The following CALN1 variants were observed in gnomAD, a reference collection of about 807,000 sequenced individuals.
The protein encoded by CALN1 is calneuron 1.
In CALN1, 17 loss-of-function variants were observed where a neutral mutation model predicts 30.6. That is an observed-to-expected ratio of 0.56 (90% CI 0.38 to 0.83). The LOEUF is 0.83. Ranked by LOEUF, CALN1 falls within the 40% of genes least tolerant of loss-of-function variation. The pLI is 0.00. For synonymous variants in CALN1, 156 were observed against 131.4 expected (o/e 1.19, Z -1.28); for missense variants, 291 against 354.9 (o/e 0.82, Z 1.45).
chr7:72,228,915 C>T (rs1460424252), intron 3 of CALN1, among the ~76,000 whole-genome samples: 2 of 150,992 alleles, frequency 1.3e-5, no homozygotes, highest in Non-Finnish European at 3.0e-5. Context: ...GCACATGCCA[C>T]CATGCCTGGC....
chr7:72,357,838 T>TTA (rs906696503), intron 2 of CALN1, among the ~76,000 whole-genome samples: 4 of 146,602 alleles, frequency 2.7e-5, no homozygotes, highest in African/African-American at 1.0e-4. Context: ...TTTTATATAT[T>TTA]TATATATATT....
chr7:72,344,661 A>T (rs1802537809), intron 2 of CALN1, among the ~76,000 whole-genome samples: 1 of 146,694 alleles, frequency 6.8e-6, no homozygotes. Flanking sequence ...TATTTATATA[A>T]ATATATATTT....
At chr7:71,858,015 A>G (rs1246670225) in intron 5 of CALN1, among the ~76,000 whole-genome samples, 1 of 152,124 alleles carries the variant, frequency 6.6e-6, no homozygotes, top group Non-Finnish European at 1.5e-5. Flanking sequence ...AAGGCAAATA[A>G]ATCTCAGGAC....
intron 2 of CALN1, among the ~76,000 whole-genome samples, chr7:72,303,545 G>A (rs543632336): frequency 6.4e-5 from 9 of 140,280 alleles, no homozygotes; most frequent in African/African-American, 1.3e-4. Flanking sequence ...CAACAAGAGC[G>A]AAACTCCATC....
At chr7:72,188,684 C>A (rs954633869) in intron 3 of CALN1, among the ~76,000 whole-genome samples, 1 of 152,042 alleles carries the variant, frequency 6.6e-6, no homozygotes, top group Admixed American at 6.6e-5. Flanking sequence ...ACCATCCATT[C>A]CCCAAAAATG....
the CALN1 span, among the ~76,000 whole-genome samples, chr7:72,504,256 T>C: frequency 6.6e-6 from 1 of 152,116 alleles, no homozygotes; most frequent in Non-Finnish European, 1.5e-5. Context: ...CCCCGGTGAG[T>C]CTATTTCCAT....
intron 2 of CALN1, among the ~76,000 whole-genome samples, chr7:72,291,827 G>C (rs1213859812): frequency 6.6e-6 from 1 of 152,092 alleles, no homozygotes; most frequent in Non-Finnish European, 1.5e-5. Context: ...GGCCAGGCTG[G>C]TCTCGAACTC....
chr7:72,264,197 T>G (rs1796463926), intron 3 of CALN1, among the ~76,000 whole-genome samples: 1 of 152,126 alleles, frequency 6.6e-6, no homozygotes, highest in Non-Finnish European at 1.5e-5. Context: ...GTCCCTCTGC[T>G]CTAACCTTTA....
At chr7:72,338,732 G>A (rs755267087) in intron 2 of CALN1, among the ~76,000 whole-genome samples, 98 of 152,042 alleles carry the variant, frequency 6.4e-4, no homozygotes, top group Non-Finnish European at 1.1e-3. Context: ...TTTGTTACAG[G>A]CATGCAATGT....
At chr7:72,215,489 G>T (rs943355691) in intron 3 of CALN1, among the ~76,000 whole-genome samples, 1 of 151,162 alleles carries the variant, frequency 6.6e-6, no homozygotes, top group Non-Finnish European at 1.5e-5. Context: ...AGCTACTCTG[G>T]AGGCTAAGGC....
intron 4 of CALN1, among the ~76,000 whole-genome samples, chr7:72,064,674 T>G (rs1189612230): frequency 6.6e-6 from 1 of 152,232 alleles, no homozygotes; most frequent in East Asian, 1.9e-4. Context: ...TCATGATCCA[T>G]GATGCAAGAC....
chr7:72,099,556 G>T (rs1351314681), intron 4 of CALN1, among the ~76,000 whole-genome samples: 2 of 151,524 alleles, frequency 1.3e-5, no homozygotes, highest in Non-Finnish European at 2.9e-5. Flanking sequence ...TACCTGAGAA[G>T]TTTACTCATT....
chr7:72,213,863 T>C (rs542321711), intron 3 of CALN1, among the ~76,000 whole-genome samples: 3 of 152,174 alleles, frequency 2.0e-5, no homozygotes, highest in Non-Finnish European at 2.9e-5. Context: ...GAGAGCTCCG[T>C]AGCTTCTTGC....
At position 72,345,062 on chromosome 7, in the gene CALN1, T is replaced by C. The variant is rs544944960; in HGVS notation, c.119+58189A>G. ...ATATATTATATCGTATGTACTGTTA[T>C]ATTCATGCATGTTATGTATAATTAT... On this transcript the variant is annotated intron_variant, in intron 2 of 6. Coordinates refer to ENST00000395275, the MANE Select transcript of CALN1 (RefSeq NM_031468.4). 1.7e-3 allele frequency among the ~76,000 whole-genome samples: 249 copies of C among 148,358 alleles called. 1 individual carries two copies. Among genetic ancestry groups the C allele is most frequent in the African/African-American group, 5.7e-3 (235 of 40,950 alleles).
rs868672178 is a variant in CALN1, at chr7:71,847,742, A to G, written c.502-37250T>C. The stretch of plus-strand genomic sequence containing the variant: ...AAGAAGAAGAAAGAAGAAAGAAGAA[A>G]GAAGAAGAAAGAAGAAAGAAGAAGA... On this transcript the variant is annotated intron_variant, in intron 5 of 6. Coordinates refer to ENST00000395275, the MANE Select transcript of CALN1 (RefSeq NM_031468.4). Among the ~76,000 whole-genome samples the G allele has an allele frequency of 1.5e-3, 156 of 103,908 alleles. 1 individual carries two copies. The highest frequency in any genetic ancestry group is 5.5e-3 in the African/African-American group (153 of 27,884). The allele number at this position is 103,908 out of a possible 152,430, so 68.2% of individuals were successfully genotyped here.
the CALN1 span, among the ~76,000 whole-genome samples, chr7:72,495,695 G>A: frequency 6.6e-6 from 1 of 152,092 alleles, no homozygotes. Flanking sequence ...ACAAACGGTG[G>A]GCTATAAAGT....
chr7:71,943,175 T>A (rs758885091), intron 5 of CALN1, among the ~76,000 whole-genome samples: 3 of 152,210 alleles, frequency 2.0e-5, no homozygotes, highest in Non-Finnish European at 4.4e-5. Context: ...AAATAAACTT[T>A]CTAAATTAAC....
At chr7:72,403,138 T>C in intron 2 of CALN1, 113 bp downstream of exon 2, 1 of 710,314 alleles carries the variant, frequency 1.4e-6, no homozygotes, top group Non-Finnish European at 2.3e-6. Flanking sequence ...TCATAGATTC[T>C]CCTCTCCAGC....
intron 6 of CALN1, among the ~76,000 whole-genome samples, chr7:71,803,742 T>G (rs1460572917): frequency 1.3e-5 from 2 of 151,388 alleles, no homozygotes; most frequent in African/African-American, 4.8e-5. Flanking sequence ...CCCAAAGTGC[T>G]GGGTTCCTGC....
Sources: allele counts gnomAD v4.1 joint callset (sites outside exome capture counted in the v4.1 genomes callset), GRCh38; gene constraint gnomAD v4.1.1; transcripts MANE v1.5; gene names NCBI Gene and HGNC (gene_info 2026-07-23, HGNC 2026-07-21).